Variants in RTTN observed in about 807,000 individuals in gnomAD.
The protein encoded by RTTN is rotatin.
RTTN carries 182 observed loss-of-function variants against 269.2 expected under a neutral mutation model. That is an observed-to-expected ratio of 0.68 (90% CI 0.60 to 0.76). The LOEUF is 0.76. Ranked by LOEUF, RTTN falls within the 30% of genes least tolerant of loss-of-function variation. RTTN has a pLI of 0.00. For missense variants in RTTN, 2,545 were observed against 2,608.6 expected (o/e 0.98, Z 0.53); for synonymous variants, 1,006 against 963.5 (o/e 1.04, Z -0.82).
intron 14 of RTTN, among the ~76,000 whole-genome samples, chr18:70,163,945 TAAGTG>T (rs1426705458): frequency 2.6e-5 from 4 of 152,158 alleles, no homozygotes; most frequent in Non-Finnish European, 4.4e-5. Flanking sequence ...AACATTATAT[TAAGTG>T]AAATAAGCCA....
intron 41 of RTTN, among the ~76,000 whole-genome samples, chr18:70,030,382 T>C (rs1265200442): frequency 2.0e-5 from 3 of 152,192 alleles, no homozygotes; most frequent in African/African-American, 4.8e-5. Flanking sequence ...CAAATCACAA[T>C]TGATATTAAT....
At chr18:70,087,707 ATAAAAG>A (rs768196623) in intron 31 of RTTN, among the ~76,000 whole-genome samples, 1 of 152,224 alleles carries the variant, frequency 6.6e-6, no homozygotes. Context: ...CTGAGATAAT[ATAAAAG>A]TAATTTTTCC....
Position 70,109,643 on chromosome 18 carries a change from T to A in RTTN, c.3758A>T (p.Asp1253Val). The A allele has an allele frequency of 6.2e-7, 1 of 1,614,042 alleles. No homozygotes were observed. The change falls in exon 28 of 49, where the codon GAT becomes GTT. Residue 1253 changes from aspartate to valine, a missense_variant. By Grantham distance (152) the Asp-to-Val change is radical (BLOSUM62 -3). Coordinates refer to ENST00000640769, the MANE Select transcript of RTTN (RefSeq NM_173630.4). Reference protein sequence around the residue: ...LKLLQCLKVTDAPHFYGLPSL... With the variant: ...LKLLQCLKVTVAPHFYGLPSL... ...CGGCAGGCCATAGAAATGAGGCGCATCCGTCACTTTCAGACACTGGAGCAG... is the reference window on the plus strand; with the variant it reads ...CGGCAGGCCATAGAAATGAGGCGCAACCGTCACTTTCAGACACTGGAGCAG...
chr18:70,079,335 T>C (rs1754267946), intron 32 of RTTN, among the ~76,000 whole-genome samples: 1 of 152,150 alleles, frequency 6.6e-6, no homozygotes, highest in African/African-American at 2.4e-5. Context: ...AAAATTATTT[T>C]ATTTTTTATT....
chr18:70,082,805 C>T (rs2058604638), intron 32 of RTTN, among the ~76,000 whole-genome samples: 1 of 152,132 alleles, frequency 6.6e-6, no homozygotes, highest in South Asian at 2.1e-4. Context: ...ATCCTCCTGC[C>T]TCAGTCTCCT....
chr18:70,071,056 C>T (rs1485199175), intron 34 of RTTN, among the ~76,000 whole-genome samples: 2 of 152,168 alleles, frequency 1.3e-5, no homozygotes, highest in African/African-American at 4.8e-5. Flanking sequence ...GGATCAATCA[C>T]ATCTGGCCTT....
At chr18:70,082,232 CA>C (rs1433735715) in intron 32 of RTTN, among the ~76,000 whole-genome samples, 1 of 152,064 alleles carries the variant, frequency 6.6e-6, no homozygotes, top group East Asian at 1.9e-4. Context: ...AGATCATTTT[CA>C]AGTGGAAAGA....
intron 3 of RTTN, among the ~76,000 whole-genome samples, chr18:70,203,138 C>T (rs2061992883): frequency 6.6e-6 from 1 of 152,146 alleles, no homozygotes; most frequent in African/African-American, 2.4e-5. Flanking sequence ...ACATGCTGGG[C>T]CCTGTGCTAA....
At chr18:70,158,574 A>G (rs8083418) in intron 14 of RTTN, among the ~76,000 whole-genome samples, 126,369 of 152,070 alleles carry the variant, frequency 0.83, 55,613 homozygotes, top group East Asian at 1. Context: ...ACATGGCGAC[A>G]GAATCAAATC....
Position 70,041,800 on chromosome 18 carries a change from G to A in RTTN, c.5541+6171C>T, listed in dbSNP as rs568873436. On this transcript the variant is annotated intron_variant, in intron 40 of 48. Transcript: ENST00000640769. ...AGTGAAATTGTGCAAACTAAATTCT[G>A]AGACCTCAGCTGTCGTCTCCTACTT... 7.2e-5 allele frequency among the ~76,000 whole-genome samples: 11 copies of A among 152,190 alleles called. No individual in the cohort carries two copies. The South Asian group carries it at 2.3e-3, about 32-fold the overall frequency.
intron 37 of RTTN, among the ~76,000 whole-genome samples, chr18:70,054,861 A>T (rs1320023075): frequency 6.6e-6 from 1 of 152,114 alleles, no homozygotes; most frequent in Non-Finnish European, 1.5e-5. Flanking sequence ...TAGTCAAATT[A>T]TGAAATCAAT....
chr18:70,104,867 CA>C (rs144261064), intron 28 of RTTN, among the ~76,000 whole-genome samples: 126,340 of 152,106 alleles, frequency 0.83, 55,601 homozygotes, highest in East Asian at 1. Context: ...AGCTTCGTCT[CA>C]AGAGGGGCAC....
In RTTN at chr18:70,162,284, T is replaced by C. The variant is rs79870136; in HGVS notation, c.1929+3778A>G. On this transcript the variant is annotated intron_variant, in intron 14 of 48. Coordinates refer to ENST00000640769, the MANE Select transcript of RTTN (RefSeq NM_173630.4). Reference sequence around the variant, plus strand: ...AAACCAAATACAGCACATTCTCACTTAGAAGTGGGAACTAAACACTGCGTA... The same window carrying C: ...AAACCAAATACAGCACATTCTCACTCAGAAGTGGGAACTAAACACTGCGTA... Among the ~76,000 whole-genome samples the C allele has an allele frequency of 9.3e-4, 142 of 152,254 alleles. 1 individual carries two copies. In the East Asian group the frequency reaches 0.024, roughly 26 times the overall value.
chr18:70,089,590 G>A (rs113338288), intron 30 of RTTN, among the ~76,000 whole-genome samples: 7 of 152,276 alleles, frequency 4.6e-5, no homozygotes, highest in African/African-American at 1.7e-4. Context: ...ATGGGTTACA[G>A]GCTAGAAGAG....
At chr18:70,029,571 TTG>T (rs1349878723) in intron 42 of RTTN, among the ~76,000 whole-genome samples, 2 of 152,010 alleles carry the variant, frequency 1.3e-5, no homozygotes, top group African/African-American at 4.8e-5. Flanking sequence ...CAATTACCAG[TTG>T]TGTGACTATG....
intron 34 of RTTN, among the ~76,000 whole-genome samples, chr18:70,069,324 A>AT (rs2058233704): frequency 6.6e-6 from 1 of 152,198 alleles, no homozygotes; most frequent in Non-Finnish European, 1.5e-5. Context: ...AATATATACA[A>AT]TTTTATTTGT....
chr18:70,048,244 A>G (rs1029785384), intron 39 of RTTN, 56 bp from the exon 40 acceptor site: 22 of 1,471,400 alleles, frequency 1.5e-5, no homozygotes, highest in Non-Finnish European at 2.0e-5. Flanking sequence ...ATTCAACAAA[A>G]AGGAAATCAA....
chr18:70,127,719 AT>A lies in RTTN; in HGVS notation c.3165del (p.Leu1055PhefsTer9), dbSNP rs1341091669. On this transcript the variant is annotated frameshift_variant, in exon 25 of 49. Transcript: ENST00000640769. LOFTEE classifies it high-confidence loss of function. Reference protein sequence around the residue: ...KTQEILDALKLSTEDILTLKI... With the variant: ...KTQEILDALKXSTEDILTLKI... The stretch of plus-strand genomic sequence containing the variant: ...TTCAGAGTGAGGATGTCCTCTGTAG[AT>A]AACTTCAATGCATCTAAAATTCTAG... 6.2e-7 allele frequency: 1 copy of A among 1,612,002 alleles called. No individual in the cohort carries two copies. Among genetic ancestry groups the A allele is most frequent in the African/African-American group, 1.3e-5 (1 of 74,824 alleles).
chr18:70,167,445 C>T (rs1191901070), intron 12 of RTTN, among the ~76,000 whole-genome samples: 1 of 152,142 alleles, frequency 6.6e-6, no homozygotes, highest in Non-Finnish European at 1.5e-5. Context: ...ACACAAAATG[C>T]CACAGAGGCC....
Sources: gnomAD v4.1 joint callset for allele counts (sites outside exome capture counted in the v4.1 genomes callset) on GRCh38, gnomAD v4.1.1 for gene constraint, MANE v1.5 for transcripts, NCBI Gene and HGNC (gene_info 2026-07-23, HGNC 2026-07-21) for gene names.